EPHA5: variants seen among roughly 807,000 people sequenced by gnomAD.
The protein encoded by EPHA5 is ephrin type-A receptor 5.
In EPHA5, 60 loss-of-function variants were observed where a neutral mutation model predicts 105.0. The ratio of observed to expected loss-of-function variants is 0.57; its 90% confidence interval spans 0.46 to 0.71. The LOEUF is 0.71. Ranked by LOEUF, EPHA5 falls within the 30% of genes least tolerant of loss-of-function variation. The pLI is 0.00. For missense variants in EPHA5, 1,218 were observed against 1,274.7 expected (o/e 0.96, Z 0.68); for synonymous variants, 513 against 449.1 (o/e 1.14, Z -1.80).
At chr4:65,363,806 C>G (rs2148885051) in intron 11 of EPHA5, among the ~76,000 whole-genome samples, 1 of 151,592 alleles carries the variant, frequency 6.6e-6, no homozygotes, top group African/African-American at 2.4e-5. Flanking sequence ...TTTCAAGGTC[C>G]TTCCCCTCAG....
chr4:65,324,335 T>G (rs1384566630), intron 16 of EPHA5, 116 bp from the exon 17 acceptor site: 2 of 638,174 alleles, frequency 3.1e-6, no homozygotes, highest in Non-Finnish European at 5.5e-6. Context: ...CAGTCCTAAT[T>G]TAGACATACA....
chr4:65,476,121 A>AGTGTGT lies in EPHA5; in HGVS notation c.1402+14255_1402+14256insACACAC, dbSNP rs1265229948. On this transcript the variant is annotated intron_variant, in intron 5 of 16. Coordinates refer to ENST00000613740, the MANE Select transcript of EPHA5 (RefSeq NM_001281766.3). ...CACTGAGAGAGAGAGAGAGAGAGAGAGAGAGAGTGTGTGTGTGTGTGTGTG... is the reference window on the plus strand; with the variant it reads ...CACTGAGAGAGAGAGAGAGAGAGAGAGTGTGTGAGAGAGTGTGTGTGTGTGTGTGTG... Among the ~76,000 whole-genome samples, 278 of 133,132 alleles carry AGTGTGT rather than the reference A, an allele frequency of 2.1e-3. 1 individual carries two copies. Among genetic ancestry groups the AGTGTGT allele is most frequent in the African/African-American group, 4.0e-3 (139 of 34,782 alleles). 87.3% of individuals were successfully genotyped at this position (133,132 alleles called of 152,430 possible). A position where few individuals can be genotyped will look rare whatever the true frequency, so the allele number is the denominator to read the frequency against.
chr4:65,653,190 C>G (rs896830376), intron 1 of EPHA5, among the ~76,000 whole-genome samples: 6 of 151,948 alleles, frequency 3.9e-5, no homozygotes, highest in Admixed American at 1.3e-4. Flanking sequence ...GAAAGTCACA[C>G]AAACTCATAG....
intron 3 of EPHA5, among the ~76,000 whole-genome samples, chr4:65,591,084 A>G (rs1438058055): frequency 6.6e-6 from 1 of 152,040 alleles, no homozygotes; most frequent in African/African-American, 2.4e-5. Flanking sequence ...GAAATTTTCA[A>G]CTCATGTTAA....
chr4:65,348,386 AG>A (rs1722424280), intron 13 of EPHA5, among the ~76,000 whole-genome samples, 183 bp from the exon 14 acceptor site: 1 of 151,884 alleles, frequency 6.6e-6, no homozygotes, highest in Non-Finnish European at 1.5e-5. Flanking sequence ...TTGGCTGTCT[AG>A]AAGGTTTCTA....
chr4:65,348,671 T>TATATATATAAA (rs1317708509), intron 13 of EPHA5, among the ~76,000 whole-genome samples: 1 of 56,826 alleles, frequency 1.8e-5, no homozygotes, highest in African/African-American at 7.6e-5. Context: ...TATATATATA[T>TATATATATAAA]ATATATATAT....
At chr4:65,333,947 T>TATCA (rs1197557849) in intron 15 of EPHA5, among the ~76,000 whole-genome samples, 1 of 151,740 alleles carries the variant, frequency 6.6e-6, no homozygotes, top group Non-Finnish European at 1.5e-5. Flanking sequence ...TCTCAAAACC[T>TATCA]ATCATTGTGC....
intron 3 of EPHA5, among the ~76,000 whole-genome samples, chr4:65,539,852 T>C (rs192545640): frequency 6.6e-6 from 1 of 151,704 alleles, no homozygotes; most frequent in African/African-American, 2.4e-5. Flanking sequence ...TACAATAAGC[T>C]AAATATCACT....
At chr4:65,544,009 C>T (rs756594250) in intron 3 of EPHA5, among the ~76,000 whole-genome samples, 103 of 152,076 alleles carry the variant, frequency 6.8e-4, no homozygotes, top group Non-Finnish European at 1.1e-3. Context: ...GCTGGGAAAA[C>T]TAGCTAGCCG....
intron 5 of EPHA5, among the ~76,000 whole-genome samples, chr4:65,457,098 C>A (rs945693665): frequency 2.0e-5 from 3 of 152,102 alleles, no homozygotes; most frequent in Non-Finnish European, 4.4e-5. Flanking sequence ...ATAAGCTACA[C>A]ATACTTTCAA....
intron 3 of EPHA5, among the ~76,000 whole-genome samples, chr4:65,519,940 TG>T (rs1219092891): frequency 6.6e-6 from 1 of 152,100 alleles, no homozygotes; most frequent in African/African-American, 2.4e-5. Context: ...ATTGTGAAAA[TG>T]GCCATACTGC....
rs1747820340 is a variant in EPHA5 at position 65,643,212 on chromosome 4, T to A, written c.246+151A>T. The A allele has an allele frequency of 1.2e-5, 6 of 487,248 alleles. No individual in the cohort carries two copies. In the East Asian group the frequency reaches 2.0e-4, roughly 16 times the overall value. The allele number at this position is 487,248 out of a possible 1,614,324, so 30.2% of individuals were successfully genotyped here. On this transcript the variant is annotated intron_variant, in intron 2 of 16. Transcript: ENST00000613740. ...CTAGTGTTCCTTTTTTTGATTAGAG[T>A]TATTTGAAGTCCCCTCACCCCATCC...
At chr4:65,659,319 GAAAAAAAAAAAAAAAAAAAAAAAAAAAAA>G (rs5858980) in intron 1 of EPHA5, among the ~76,000 whole-genome samples, 1 of 71,602 alleles carries the variant, frequency 1.4e-5, no homozygotes, top group Non-Finnish European at 2.7e-5. Context: ...TAGAGTAACA[GAAAAAAAAAAAAAAAAAAAAAAAAAAAAA>G]AAAAAAAAAA....
intron 8 of EPHA5, among the ~76,000 whole-genome samples, chr4:65,381,825 G>A (rs954824047): frequency 6.6e-6 from 1 of 151,640 alleles, no homozygotes. Flanking sequence ...GAATTCCCTT[G>A]TCCCTTCCCT....
intron 2 of EPHA5, among the ~76,000 whole-genome samples, chr4:65,629,795 A>G (rs1560794534): frequency 1.3e-5 from 2 of 152,032 alleles, no homozygotes; most frequent in Non-Finnish European, 2.9e-5. Flanking sequence ...TCTTCCCCCT[A>G]CCCAGCTAGA....
chr4:65,574,103 T>TG, intron 3 of EPHA5: 1 of 1,609,338 alleles, frequency 6.2e-7, no homozygotes, highest in East Asian at 2.2e-5. Flanking sequence ...ATCTTACTGA[T>TG]GCTTACTTCA....
chr4:65,389,520 T>C (rs936328007), intron 8 of EPHA5, among the ~76,000 whole-genome samples: 26 of 152,060 alleles, frequency 1.7e-4, no homozygotes, highest in Non-Finnish European at 3.2e-4. Context: ...TATTAAACAA[T>C]TGAATTAAAT....
chr4:65,553,491 A>C (rs968155898), intron 3 of EPHA5, among the ~76,000 whole-genome samples: 4 of 152,054 alleles, frequency 2.6e-5, no homozygotes, highest in Non-Finnish European at 5.9e-5. Context: ...TATCACTGAA[A>C]TTCTAGTTAC....
intron 8 of EPHA5, among the ~76,000 whole-genome samples, chr4:65,387,824 T>A (rs986596860): frequency 1.3e-5 from 2 of 152,000 alleles, no homozygotes; most frequent in African/African-American, 4.8e-5. Flanking sequence ...CTCATTCTTT[T>A]TTTTTATTAT....
Sources: gnomAD v4.1 joint callset for allele counts (sites outside exome capture counted in the v4.1 genomes callset) on GRCh38, gnomAD v4.1.1 for gene constraint, MANE v1.5 for transcripts, NCBI Gene and HGNC (gene_info 2026-07-23, HGNC 2026-07-21) for gene names.